KLHL4: variants seen among roughly 807,000 people sequenced by gnomAD.
KLHL4 encodes kelch like family member 4, also known as kelch-like protein 4.
KLHL4 carries 17 observed loss-of-function variants against 45.8 expected under a neutral mutation model. That is an observed-to-expected ratio of 0.37 (90% confidence interval 0.25 to 0.56). KLHL4 has a LOEUF of 0.56. Among genes scored for constraint, KLHL4 ranks in the 20% least tolerant of loss-of-function variants. The pLI is 0.79. For synonymous variants in KLHL4, 224 were observed against 189.9 expected, an observed-to-expected ratio of 1.18 and a Z score of -1.47; for missense variants, 544 against 544.9, an observed-to-expected ratio of 1.00 and a Z score of 0.02.
At chrX:87,599,641 CA>C (rs370162356) in intron 1 of KLHL4, among the ~76,000 whole-genome samples, 3,300 of 95,408 alleles carry the variant, frequency 0.035, 119 homozygotes, top group African/African-American at 0.11. Context: ...AAATAGGTAG[CA>C]AAAAAAAAAA....
intron 1 of KLHL4, among the ~76,000 whole-genome samples, chrX:87,597,092 T>G (rs921932439): frequency 8.9e-6 from 1 of 112,123 alleles, no homozygotes; most frequent in African/African-American, 3.2e-5. Context: ...TACATAATAA[T>G]TGGACACGTG....
chrX:87,587,694 T>G (rs1213908158), intron 1 of KLHL4, among the ~76,000 whole-genome samples: 1 of 111,285 alleles, frequency 9.0e-6, no homozygotes, highest in Non-Finnish European at 1.9e-5. Context: ...AGAACTATTA[T>G]CATACTGAGT....
At chrX:87,567,732 A>G (rs1278397196) in intron 1 of KLHL4, among the ~76,000 whole-genome samples, 2 of 111,221 alleles carry the variant, frequency 1.8e-5, no homozygotes, top group African/African-American at 6.5e-5. Context: ...GCATGTTCTC[A>G]CTTATAAGTG....
Position 87,665,073 on chromosome X carries a change from A to G in KLHL4, c.2097+138A>G, listed in dbSNP as rs1299223049. ...TAGTGAAATTTATAGTATGTGCTCT[A>G]TCTATGCCTTAGAGAATTACAAGTT... On this transcript the variant is annotated intron_variant, in intron 10 of 10. Transcript: ENST00000373119. 7.3e-6 allele frequency: 3 copies of G among 408,334 alleles called. No homozygotes were observed. The African/African-American group carries it at 7.5e-5, about 10-fold the overall frequency. The allele number at this position is 408,334 out of a possible 1,213,427, so 33.7% of individuals were successfully genotyped here.
Position 87,669,304 on chromosome X carries a change from C to G in KLHL4, c.*2770C>G. On this transcript the variant is annotated 3_prime_UTR_variant, in exon 11 of 11. Coordinates refer to ENST00000373119, the MANE Select transcript of KLHL4 (RefSeq NM_019117.5). ...CATCATGATGATTCTCTAACACTGT[C>G]TGTCACCTTCCTGTATTTCCACAGA... is the stretch of plus-strand genomic sequence containing the variant. 2 of 1,208,126 alleles carry G rather than the reference C, an allele frequency of 1.7e-6. No homozygotes were observed. Among genetic ancestry groups the G allele is most frequent in the Non-Finnish European group, 2.2e-6 (2 of 893,559 alleles).
intron 1 of KLHL4, among the ~76,000 whole-genome samples, chrX:87,539,489 A>C (rs1931506593): frequency 9.1e-6 from 1 of 110,447 alleles, no homozygotes; most frequent in African/African-American, 3.3e-5. Flanking sequence ...TTTGGACCCA[A>C]TTATTTATTC....
chrX:87,524,532 A>T (rs929757332), intron 1 of KLHL4, among the ~76,000 whole-genome samples: 1 of 111,441 alleles, frequency 9.0e-6, no homozygotes, highest in African/African-American at 3.3e-5. Flanking sequence ...GAAAAACATC[A>T]GAGAAATTTA....
At chrX:87,631,850 C>T (rs1279463811) in intron 6 of KLHL4, among the ~76,000 whole-genome samples, 2 of 112,441 alleles carry the variant, frequency 1.8e-5, no homozygotes, top group African/African-American at 6.5e-5. Context: ...AAATCTGTAA[C>T]AGATGTGCAA....
intron 5 of KLHL4, among the ~76,000 whole-genome samples, chrX:87,624,745 T>C (rs775399681): frequency 8.9e-6 from 1 of 112,116 alleles, no homozygotes; most frequent in African/African-American, 3.2e-5. Flanking sequence ...ATACTTTGCC[T>C]CACTTTTATC....
intron 1 of KLHL4, among the ~76,000 whole-genome samples, chrX:87,605,123 T>G (rs1243618221): frequency 1.8e-5 from 2 of 111,757 alleles, no homozygotes; most frequent in African/African-American, 3.2e-5. Context: ...TTATTCCTTG[T>G]GCCTGTTTTA....
intron 9 of KLHL4, among the ~76,000 whole-genome samples, chrX:87,640,536 A>C (rs1346244267): frequency 8.9e-6 from 1 of 112,293 alleles, no homozygotes; most frequent in Non-Finnish European, 1.9e-5. Context: ...ATTGTTTAAC[A>C]TCCACAAGTC....
At chrX:87,584,525 A>G (rs1209196559) in intron 1 of KLHL4, among the ~76,000 whole-genome samples, 1 of 111,934 alleles carries the variant, frequency 8.9e-6, no homozygotes, top group Non-Finnish European at 1.9e-5. Flanking sequence ...TAACTAATTG[A>G]AAAAATCAGG....
chrX:87,660,216 G>A, intron 9 of KLHL4, among the ~76,000 whole-genome samples: 1 of 111,423 alleles, frequency 9.0e-6, no homozygotes, highest in South Asian at 3.8e-4. Flanking sequence ...ATAAAAGTTA[G>A]GGTACAAGCC....
At chrX:87,634,658 T>C (rs1923203348) in intron 8 of KLHL4, among the ~76,000 whole-genome samples, 1 of 112,059 alleles carries the variant, frequency 8.9e-6, no homozygotes, top group African/African-American at 3.2e-5. Flanking sequence ...AGTCAAAATG[T>C]CAACGCATTG....
chrX:87,612,653 G>T (rs1338029176), intron 1 of KLHL4, among the ~76,000 whole-genome samples: 1 of 111,793 alleles, frequency 8.9e-6, no homozygotes, highest in Non-Finnish European at 1.9e-5. Context: ...ATAATCACAT[G>T]TGGTATATTA....
At chrX:87,656,731 G>A (rs1421301637) in intron 9 of KLHL4, among the ~76,000 whole-genome samples, 1 of 110,645 alleles carries the variant, frequency 9.0e-6, no homozygotes, top group Admixed American at 9.7e-5. Context: ...TAAAAAGTTA[G>A]TGCAATGCTT....
At chrX:87,664,712 G>T in intron 9 of KLHL4, 52 bp from the exon 10 acceptor site, 1 of 873,623 alleles carries the variant, frequency 1.1e-6, no homozygotes. Flanking sequence ...GTTATTTTCA[G>T]TTGTAACTCT....
rs376617726 is a variant in KLHL4, at chrX:87,632,447, C to T, written c.1549+13C>T. 70 of 1,088,783 alleles carry T rather than the reference C, an allele frequency of 6.4e-5. No individual in the cohort carries two copies. The highest frequency in any genetic ancestry group is 6.4e-4 in the African/African-American group (35 of 54,592). The allele number at this position is 1,088,783 out of a possible 1,213,427, so 89.7% of individuals were successfully genotyped here. ...CGGCACGGCTTAGGTAAGAGCTTAA[C>T]GTAATGTATTTTTCAAGAATGTATA... On this transcript the variant is annotated intron_variant, in intron 7 of 10. Coordinates refer to ENST00000373119, the MANE Select transcript of KLHL4 (RefSeq NM_019117.5).
At chrX:87,656,159 T>C (rs1429600222) in intron 9 of KLHL4, among the ~76,000 whole-genome samples, 1 of 111,060 alleles carries the variant, frequency 9.0e-6, no homozygotes, top group African/African-American at 3.3e-5. Context: ...TGACTGTATG[T>C]CTTGGTGAGA....
Sources: allele counts gnomAD v4.1 joint callset (sites outside exome capture counted in the v4.1 genomes callset), GRCh38; gene constraint gnomAD v4.1.1; transcripts MANE v1.5; gene names NCBI Gene and HGNC (gene_info 2026-07-23, HGNC 2026-07-21).